The following DNAH14 variants were observed in gnomAD, a reference collection of about 807,000 sequenced individuals.
DNAH14 encodes axonemal beta dynein heavy chain 14.
A neutral mutation model predicts 520.9 loss-of-function variants in DNAH14; 478 were observed. That is an observed-to-expected ratio of 0.92 (90% confidence interval 0.85 to 0.99). The LOEUF (loss-of-function observed/expected upper bound fraction) is 0.99, where lower values mean the gene tolerates loss of function less well. DNAH14 is among the 50% of genes least tolerant of loss of function. The pLI, the probability that DNAH14 is intolerant of heterozygous loss-of-function variation, is 0.00. For missense variants in DNAH14, 4,831 were observed against 5,234.5 expected, an observed-to-expected ratio of 0.92 and a Z score of 2.38; for synonymous variants, 1,581 against 1,757.2, an observed-to-expected ratio of 0.90 and a Z score of 2.51.
At chr1:224,996,805 T>C (rs1348389581) in intron 8 of DNAH14, among the ~76,000 whole-genome samples, 1 of 152,208 alleles carries the variant, frequency 6.6e-6, no homozygotes, top group East Asian at 1.9e-4. Flanking sequence ...ATATGCTTAG[T>C]AGAAATACAC....
intron 1 of DNAH14, among the ~76,000 whole-genome samples, chr1:224,930,983 T>C (rs963316519): frequency 2.0e-5 from 3 of 152,204 alleles, no homozygotes; most frequent in Non-Finnish European, 4.4e-5. Flanking sequence ...AGGCTGGTCC[T>C]TTAGGAGATA....
chr1:225,003,908 T>G (rs2063961400), intron 9 of DNAH14, among the ~76,000 whole-genome samples: 1 of 152,024 alleles, frequency 6.6e-6, no homozygotes, highest in South Asian at 2.1e-4. Context: ...GTGACAAAAT[T>G]TATTAATTTT....
chr1:225,206,099 A>G lies in DNAH14; in HGVS notation c.6106A>G (p.Lys2036Glu). ...ANSERIALTN[K>E]IRVIFEVDNL... ...CAGTGAGAGAATAGCTTTAACTAATAAAATAAGAGTGATTTTTGAAGTGGA... is the reference window on the plus strand; with the variant it reads ...CAGTGAGAGAATAGCTTTAACTAATGAAATAAGAGTGATTTTTGAAGTGGA... The change falls in exon 40 of 86, where the codon AAA (lysine) becomes GAA (glutamate). Residue 2036 changes from lysine to glutamate, a missense_variant. Transcript: ENST00000682510. 1.3e-6 allele frequency: 2 copies of G among 1,551,510 alleles called. No homozygotes were observed. Among genetic ancestry groups the G allele is most frequent in the Non-Finnish European group, 1.7e-6 (2 of 1,146,836 alleles).
At position 225,074,093 on chromosome 1, in the gene DNAH14, G is replaced by A. The variant is rs372122339; in HGVS notation, c.2425-5114G>A. 1.0e-4 allele frequency among the ~76,000 whole-genome samples: 15 copies of A among 144,434 alleles called. No individual in the cohort carries two copies. The East Asian group carries it at 1.7e-3, about 16-fold the overall frequency. 94.8% of individuals were successfully genotyped at this position (144,434 alleles called of 152,430 possible). A position where few individuals can be genotyped will look rare whatever the true frequency, so the allele number is the denominator to read the frequency against. Reference sequence around the variant, plus strand: ...CGGCTCACTGCAAGCTCCGCCTCCCGGGTTCACGCCATTCTCCTGCCTCAG... The same window carrying A: ...CGGCTCACTGCAAGCTCCGCCTCCCAGGTTCACGCCATTCTCCTGCCTCAG... On this transcript the variant is annotated intron_variant, in intron 17 of 85. Transcript: ENST00000682510.
At chr1:225,028,322 T>G (rs2066284615) in intron 11 of DNAH14, among the ~76,000 whole-genome samples, 1 of 152,124 alleles carries the variant, frequency 6.6e-6, no homozygotes, top group African/African-American at 2.4e-5. Context: ...ATAGATTTGT[T>G]TAGATTTTCT....
chr1:225,259,885 C>T (rs2092873455), intron 46 of DNAH14, among the ~76,000 whole-genome samples: 1 of 152,160 alleles, frequency 6.6e-6, no homozygotes, highest in African/African-American at 2.4e-5. Flanking sequence ...TTACAAATGA[C>T]AGAATTTCCT....
In DNAH14 at chr1:225,322,743, G is replaced by A. The variant is rs555596310; in HGVS notation, c.9415G>A (p.Ala3139Thr). 3 of 1,551,532 alleles carry A rather than the reference G, an allele frequency of 1.9e-6. No homozygotes were observed. Among genetic ancestry groups the A allele is most frequent in the Admixed American group, 3.9e-5 (2 of 50,998 alleles). ...CILLQKKPNW[A>T]TAKLLLSETG... is the part of the protein sequence containing the mutation. Reference sequence around the variant, plus strand: ...TCTTCTGCAAAAGAAACCTAACTGGGCAACGGCAAAGTTACTTCTTTCAGA... The same window carrying A: ...TCTTCTGCAAAAGAAACCTAACTGGACAACGGCAAAGTTACTTCTTTCAGA... Residue 3139 changes from alanine (A) to threonine (T), a missense_variant, in exon 62 of 86, where the codon GCA (alanine) becomes ACA (threonine). Coordinates refer to ENST00000682510, the MANE Select transcript of DNAH14 (RefSeq NM_001367479.1).
intron 84 of DNAH14, 123 bp from the exon 85 acceptor site, chr1:225,398,397 T>C (rs998772973): frequency 3.3e-6 from 4 of 1,223,002 alleles, no homozygotes; most frequent in Admixed American, 5.7e-5. Flanking sequence ...ACCTTAGAAC[T>C]TGGGGCAACA....
intron 34 of DNAH14, among the ~76,000 whole-genome samples, chr1:225,156,975 G>A (rs6700755): frequency 0.23 from 26,408 of 115,570 alleles, 5,470 homozygotes; most frequent in East Asian, 0.54. Context: ...TCGGCCTCCC[G>A]AAGTGCTGGG....
chr1:225,006,977 C>A (rs1314164095), intron 9 of DNAH14, among the ~76,000 whole-genome samples: 2 of 152,044 alleles, frequency 1.3e-5, no homozygotes, highest in Non-Finnish European at 2.9e-5. Flanking sequence ...TTTCTCAGAC[C>A]GGCTGACACT....
chr1:225,340,793 A>C, intron 69 of DNAH14, 92 bp downstream of exon 69: 1 of 1,372,270 alleles, frequency 7.3e-7, no homozygotes, highest in South Asian at 1.5e-5. Flanking sequence ...AGCCAAAAAT[A>C]CCAAATCTCC....
intron 21 of DNAH14, among the ~76,000 whole-genome samples, chr1:225,095,948 C>A (rs544382101): frequency 6.6e-6 from 1 of 152,154 alleles, no homozygotes; most frequent in South Asian, 2.1e-4. Context: ...TGTTAAAATT[C>A]ATAAAATTGT....
chr1:225,098,579 T>C (rs2075190719), intron 22 of DNAH14, among the ~76,000 whole-genome samples: 1 of 152,212 alleles, frequency 6.6e-6, no homozygotes, highest in Non-Finnish European at 1.5e-5. Flanking sequence ...TAAATTTAAG[T>C]ATTGCTTTGT....
rs557288371 is a variant in DNAH14, at chr1:225,320,459, T to C, written c.9335+1782T>C. Among the ~76,000 whole-genome samples, 10 of 152,348 alleles carry C rather than the reference T, an allele frequency of 6.6e-5. No individual in the cohort carries two copies. In the East Asian group the frequency reaches 1.7e-3, roughly 26 times the overall value. On this transcript the variant is annotated intron_variant, in intron 61 of 85. Coordinates refer to ENST00000682510, the MANE Select transcript of DNAH14 (RefSeq NM_001367479.1). ...CCTTGAGTATGTCTTGTTTGTTGTT[T>C]GTTTGTTTTTAAAGATCCTCCTTTG...
At chr1:225,096,091 G>T (rs966893306) in intron 21 of DNAH14, among the ~76,000 whole-genome samples, 25 of 152,110 alleles carry the variant, frequency 1.6e-4, no homozygotes, top group African/African-American at 5.8e-4. Flanking sequence ...CTCTGCCTCC[G>T]GAGTATCTGG....
rs1018983241 is a variant in DNAH14, at chr1:225,207,088, G to A, written c.6307G>A (p.Gly2103Arg). The change falls in exon 41 of 86, where the codon GGA becomes AGA. Residue 2103 changes from glycine to arginine, a missense_variant. Coordinates refer to ENST00000682510, the MANE Select transcript of DNAH14 (RefSeq NM_001367479.1). ...CATGATTAAAAATAGTGTCACAGAC[G>A]GACTACAATTTATAAGGAATCGTCA... ...EFMIKNSVTD[G>R]LQFIRNRQKF... 5 of 1,550,628 alleles carry A rather than the reference G, an allele frequency of 3.2e-6. No individual in the cohort carries two copies. Among genetic ancestry groups the A allele is most frequent in the Admixed American group, 2.0e-5 (1 of 50,884 alleles).
intron 36 of DNAH14, among the ~76,000 whole-genome samples, chr1:225,178,363 A>C (rs771741352): frequency 6.6e-6 from 1 of 152,186 alleles, no homozygotes; most frequent in African/African-American, 2.4e-5. Context: ...CAAGAGCAAA[A>C]TGAGGAGGCA....
At chr1:225,235,321 C>G (rs2091495401) in intron 42 of DNAH14, among the ~76,000 whole-genome samples, 1 of 152,146 alleles carries the variant, frequency 6.6e-6, no homozygotes, top group African/African-American at 2.4e-5. Context: ...GTCTTTAGTT[C>G]TGTTTATGCG....
At chr1:225,070,878 C>T (rs905960495) in intron 17 of DNAH14, among the ~76,000 whole-genome samples, 3 of 152,024 alleles carry the variant, frequency 2.0e-5, no homozygotes, top group Non-Finnish European at 4.4e-5. Flanking sequence ...CTTGGGTGCA[C>T]ATATATTTAG....
Sources: allele counts gnomAD v4.1 joint callset (sites outside exome capture counted in the v4.1 genomes callset), GRCh38; gene constraint gnomAD v4.1.1; transcripts MANE v1.5; gene names NCBI Gene and HGNC (gene_info 2026-07-23, HGNC 2026-07-21).